The following NELL2 variants were observed in gnomAD, a reference collection of about 807,000 sequenced individuals.
The protein encoded by NELL2 is protein kinase C-binding protein NELL2.
In NELL2, 41 loss-of-function variants were observed where a neutral mutation model predicts 109.6. The ratio of observed to expected loss-of-function variants is 0.37; its 90% CI spans 0.29 to 0.49. The LOEUF (loss-of-function observed/expected upper bound fraction) is 0.49, where lower values mean the gene tolerates loss of function less well. NELL2 is among the 20% of genes least tolerant of loss of function. The probability of loss-of-function intolerance (pLI) is 0.98; values close to 1 mark genes in which losing one functional copy is unlikely to be tolerated. For synonymous variants in NELL2, 355 were observed against 344.7 expected, an observed-to-expected ratio of 1.03 and a Z score of -0.33; for missense variants, 900 against 1,008.3, an observed-to-expected ratio of 0.89 and a Z score of 1.45.
intron 9 of NELL2, among the ~76,000 whole-genome samples, chr12:44,743,916 C>A (rs1408462262): frequency 6.6e-6 from 1 of 151,892 alleles, no homozygotes; most frequent in East Asian, 1.9e-4. Flanking sequence ...ACAAGGATAC[C>A]CAGGAATTGA....
chr12:44,832,654 C>T (rs1449326061), intron 2 of NELL2, among the ~76,000 whole-genome samples: 1 of 152,212 alleles, frequency 6.6e-6, no homozygotes, highest in Non-Finnish European at 1.5e-5. Flanking sequence ...CTCAACATTT[C>T]TTGGCATTGC....
intron 13 of NELL2, among the ~76,000 whole-genome samples, chr12:44,656,894 G>T (rs1387856698): frequency 6.6e-6 from 1 of 152,088 alleles, no homozygotes; most frequent in Non-Finnish European, 1.5e-5. Flanking sequence ...ATAAATTTTT[G>T]CTGCAATACA....
At chr12:44,634,449 T>G (rs112340274) in intron 13 of NELL2, among the ~76,000 whole-genome samples, 6,807 of 152,230 alleles carry the variant, frequency 0.045, 239 homozygotes, top group Non-Finnish European at 0.071. Context: ...TGTGTTAGTT[T>G]GCTGAGAATG....
At chr12:44,658,238 C>A (rs1007592133) in intron 13 of NELL2, among the ~76,000 whole-genome samples, 2 of 152,168 alleles carry the variant, frequency 1.3e-5, no homozygotes, top group Admixed American at 1.3e-4. Context: ...TGATAAGGAA[C>A]TTCAGCAAAG....
chr12:44,698,007 A>G (rs1194604844), intron 12 of NELL2, among the ~76,000 whole-genome samples: 1 of 152,190 alleles, frequency 6.6e-6, no homozygotes, highest in Non-Finnish European at 1.5e-5. Flanking sequence ...CTTGGCTTAA[A>G]GTCACATCAT....
Position 44,886,148 on chromosome 12 carries a change from A to G in NELL2, c.39-10248T>C, listed in dbSNP as rs376189891. Among the ~76,000 whole-genome samples the G allele has an allele frequency of 1.9e-3, 277 of 143,686 alleles. 8 individuals are homozygous for G. The highest frequency in any genetic ancestry group is 6.5e-3 in the African/African-American group (255 of 39,320). 94.3% of individuals were successfully genotyped at this position (143,686 alleles called of 152,430 possible). A position where few individuals can be genotyped will look rare whatever the true frequency, so the allele number is the denominator to read the frequency against. On this transcript the variant is annotated intron_variant, in intron 1 of 20. Transcript: ENST00000333837. ...GGAAGGAAGGAAGGAAGGAAGGAAG[A>G]AAGGGAGAGAATCCTCATCTTATCT...
intron 9 of NELL2, among the ~76,000 whole-genome samples, chr12:44,771,109 T>A (rs1941529656): frequency 6.6e-6 from 1 of 152,126 alleles, no homozygotes; most frequent in South Asian, 2.1e-4. Flanking sequence ...TATTTATACT[T>A]TCCATTTTCT....
At chr12:44,909,768 C>CACACACACACAT in intron 1 of NELL2, among the ~76,000 whole-genome samples, 1 of 147,014 alleles carries the variant, frequency 6.8e-6, no homozygotes, top group African/African-American at 2.5e-5. Context: ...CACACACACA[C>CACACACACACAT]ATATATATAC....
chr12:44,685,743 C>T (rs1156653333), intron 12 of NELL2, among the ~76,000 whole-genome samples: 1 of 151,992 alleles, frequency 6.6e-6, no homozygotes, highest in African/African-American at 2.4e-5. Context: ...GAATATTGGC[C>T]CCCACTCTCT....
chr12:44,867,956 C>G (rs546424300), intron 2 of NELL2, among the ~76,000 whole-genome samples: 1 of 151,786 alleles, frequency 6.6e-6, no homozygotes, highest in African/African-American at 2.4e-5. Context: ...CCTGTCTCTA[C>G]TAAAAATACA....
Position 44,835,382 on chromosome 12 carries a change from C to T in NELL2, c.185-19246G>A, listed in dbSNP as rs138512081. Reference sequence around the variant, plus strand: ...AACCACAGCCTAAAAAAGTAACTCACAAGATCCCAGAGCAGAAACGGTGCA... The same window carrying T: ...AACCACAGCCTAAAAAAGTAACTCATAAGATCCCAGAGCAGAAACGGTGCA... On this transcript the variant is annotated intron_variant, in intron 2 of 19. Coordinates refer to ENST00000429094, the MANE Select transcript of NELL2 (RefSeq NM_001145108.2). Among the ~76,000 whole-genome samples the T allele has an allele frequency of 2.2e-3, 334 of 152,304 alleles. 8 individuals carry two copies. The East Asian group carries it at 0.04, about 18-fold the overall frequency.
chr12:44,665,427 T>C (rs1170002477), intron 13 of NELL2, 57 bp downstream of exon 13: 1 of 1,485,918 alleles, frequency 6.7e-7, no homozygotes, highest in African/African-American at 1.4e-5. Flanking sequence ...CAAAGAAATT[T>C]TTAAAAGTAA....
At chr12:44,652,806 C>T (rs1020565698) in intron 13 of NELL2, among the ~76,000 whole-genome samples, 13 of 152,192 alleles carry the variant, frequency 8.5e-5, no homozygotes, top group African/African-American at 3.1e-4. Flanking sequence ...CACAGGCCTG[C>T]GTTTCTCCCT....
intron 2 of NELL2, among the ~76,000 whole-genome samples, chr12:44,855,410 A>C (rs1200359706): frequency 6.6e-6 from 1 of 152,162 alleles, no homozygotes; most frequent in East Asian, 1.9e-4. Context: ...AATAACACAA[A>C]ATCAGTCTAA....
intron 3 of NELL2, among the ~76,000 whole-genome samples, chr12:44,805,074 G>A (rs764097419): frequency 5.9e-5 from 9 of 151,668 alleles, no homozygotes; most frequent in Non-Finnish European, 7.4e-5. Flanking sequence ...AACAAAATAT[G>A]TATATACACT....
intron 15 of NELL2, among the ~76,000 whole-genome samples, chr12:44,565,061 G>A (rs942411748): frequency 2.6e-4 from 40 of 152,224 alleles, no homozygotes; most frequent in African/African-American, 8.4e-4. Flanking sequence ...AGAATCCCAG[G>A]TAATGGAGTC....
At chr12:44,792,229 G>A (rs1362621291) in intron 3 of NELL2, among the ~76,000 whole-genome samples, 1 of 152,114 alleles carries the variant, frequency 6.6e-6, no homozygotes, top group African/African-American at 2.4e-5. Flanking sequence ...AAACTTTTTA[G>A]GGGAGAAAGC....
At chr12:44,763,992 A>T (rs1941228228) in intron 9 of NELL2, among the ~76,000 whole-genome samples, 1 of 152,212 alleles carries the variant, frequency 6.6e-6, no homozygotes, top group African/African-American at 2.4e-5. Flanking sequence ...GCATAAACTA[A>T]AACTATTTTA....
chr12:44,657,445 C>T (rs920095838), intron 13 of NELL2, among the ~76,000 whole-genome samples: 2 of 152,116 alleles, frequency 1.3e-5, no homozygotes, highest in South Asian at 2.1e-4. Flanking sequence ...ATTCTTCACA[C>T]ATTGTCTTAT....
Sources: allele counts gnomAD v4.1 joint callset (sites outside exome capture counted in the v4.1 genomes callset), GRCh38; gene constraint gnomAD v4.1.1; transcripts MANE v1.5; gene names NCBI Gene and HGNC (gene_info 2026-07-23, HGNC 2026-07-21).